Variants in HRH2 observed in about 807,000 individuals in gnomAD.
HRH2 encodes the protein histamine receptor H2.
Under a neutral mutation model 20.1 loss-of-function variants are expected in HRH2, and 4 were observed. That is an observed-to-expected ratio of 0.20 (90% CI 0.10 to 0.45). HRH2 has a LOEUF of 0.45. Ranked by LOEUF, HRH2 falls within the 20% of genes least tolerant of loss-of-function variation. The probability of loss-of-function intolerance (pLI) is 0.99; values close to 1 mark genes in which losing one functional copy is unlikely to be tolerated. For missense variants in HRH2, 250 were observed against 461.6 expected, an observed-to-expected ratio of 0.54 and a Z score of 4.20; for synonymous variants, 197 against 200.7, an observed-to-expected ratio of 0.98 and a Z score of 0.16.
rs1405928578 is a variant in HRH2 at position 175,710,619 on chromosome 5, C to A, written c.*2648C>A. ...CTCCACGTCTGTCTCTGGGCTGCCT[C>A]CACCTTCTGCAGGCCTCCTGGAGCC... is the stretch of plus-strand genomic sequence containing the variant. On this transcript the variant is annotated 3_prime_UTR_variant, in exon 3 of 3. Coordinates refer to ENST00000636584, the MANE Select transcript of HRH2 (RefSeq NM_001367711.1). 1.3e-5 allele frequency: 2 copies of A among 152,286 alleles called. No homozygotes were observed. The highest frequency in any genetic ancestry group is 4.8e-5 in the African/African-American group (2 of 41,470). 9.4% of individuals were successfully genotyped at this position (152,286 alleles called of 1,614,324 possible).
At chr5:175,680,071 A>G (rs1175512694) in intron 1 of HRH2, among the ~76,000 whole-genome samples, 2 of 152,204 alleles carry the variant, frequency 1.3e-5, no homozygotes, top group Non-Finnish European at 2.9e-5. Flanking sequence ...TTTGCCCAGG[A>G]GGATCCAGCA....
At chr5:175,660,174 A>G (rs945507564) in intron 1 of HRH2, among the ~76,000 whole-genome samples, 2 of 152,220 alleles carry the variant, frequency 1.3e-5, no homozygotes, top group African/African-American at 4.8e-5. Flanking sequence ...TCCAATCCCA[A>G]GGGTTTAATT....
At chr5:175,674,555 ACT>A (rs1238322579) in intron 1 of HRH2, among the ~76,000 whole-genome samples, 1 of 150,414 alleles carries the variant, frequency 6.6e-6, no homozygotes, top group Non-Finnish European at 1.5e-5. Flanking sequence ...GGGTAGTGAG[ACT>A]CTTCCCAGTC....
chr5:175,679,966 C>T (rs995382718), intron 1 of HRH2, among the ~76,000 whole-genome samples: 3 of 152,182 alleles, frequency 2.0e-5, no homozygotes, highest in Admixed American at 6.5e-5. Context: ...CTCTTTGAGC[C>T]TCAGTCTCCT....
rs1477597600 is a variant in HRH2 at position 175,687,028 on chromosome 5, G to C, written c.1076+2719G>C. Among the ~76,000 whole-genome samples the C allele has an allele frequency of 6.6e-6, 1 of 152,124 alleles. No homozygotes were observed. The highest frequency in any genetic ancestry group is 2.4e-5 in the African/African-American group (1 of 41,414). On this transcript the variant is annotated intron_variant, in intron 2 of 2. Coordinates refer to ENST00000636584, the MANE Select transcript of HRH2 (RefSeq NM_001367711.1). This position sits in a 1 kb window ranked among gnomAD's most constrained non-coding sequence, Gnocchi z 5.2. ...GAGAGGTGGTGCCTCCCAGGGTCAT[G>C]CATGCAGCCGTGGAGGCAGGGCCAG...
At chr5:175,694,306 C>T (rs183452974) in intron 2 of HRH2, among the ~76,000 whole-genome samples, 12 of 152,260 alleles carry the variant, frequency 7.9e-5, no homozygotes, top group Admixed American at 3.3e-4. Context: ...GCATGCAGTC[C>T]GCACAGGCTT....
chr5:175,699,520 A>G (rs556928296), intron 2 of HRH2, among the ~76,000 whole-genome samples: 1 of 152,272 alleles, frequency 6.6e-6, no homozygotes, highest in Non-Finnish European at 1.5e-5. Flanking sequence ...TGTTCAGTAC[A>G]GGATCAGCCC....
chr5:175,682,296 C>G (rs964770994), intron 1 of HRH2, among the ~76,000 whole-genome samples: 4 of 152,236 alleles, frequency 2.6e-5, no homozygotes, highest in African/African-American at 7.2e-5. Flanking sequence ...GGAGTAGATT[C>G]ATTACATTTG....
intron 2 of HRH2, among the ~76,000 whole-genome samples, chr5:175,699,730 C>T (rs1420801395): frequency 2.6e-5 from 4 of 152,104 alleles, no homozygotes; most frequent in Admixed American, 1.3e-4. Context: ...CCCACCACCA[C>T]GCCCGGCTAA....
chr5:175,669,131 C>T (rs1755422057), intron 1 of HRH2, among the ~76,000 whole-genome samples: 1 of 152,028 alleles, frequency 6.6e-6, no homozygotes, highest in Non-Finnish European at 1.5e-5. Context: ...AGGCCTGAGC[C>T]ACAGCACCTG....
intron 2 of HRH2, among the ~76,000 whole-genome samples, chr5:175,701,529 CA>C (rs1336334318): frequency 1.3e-5 from 2 of 152,310 alleles, no homozygotes; most frequent in Non-Finnish European, 2.9e-5. Context: ...GAGCCACCAG[CA>C]GGTCCAAGCT....
chr5:175,660,896 C>A (rs1338268496), intron 1 of HRH2, among the ~76,000 whole-genome samples: 1 of 152,204 alleles, frequency 6.6e-6, no homozygotes, highest in Non-Finnish European at 1.5e-5. Flanking sequence ...AGATCTGAGA[C>A]TACTCCTCCC....
At chr5:175,661,325 G>T (rs112327818) in intron 1 of HRH2, among the ~76,000 whole-genome samples, 1,597 of 152,272 alleles carry the variant, frequency 0.01, 35 homozygotes, top group African/African-American at 0.037. Flanking sequence ...GCACATGAAG[G>T]CTTGTCAGTA....
At chr5:175,669,891 AATCCT>A (rs1755462424) in intron 1 of HRH2, among the ~76,000 whole-genome samples, 1 of 152,234 alleles carries the variant, frequency 6.6e-6, no homozygotes. Flanking sequence ...CCACTAAAGG[AATCCT>A]GCCTTTACCG....
chr5:175,665,657 A>G (rs1172162140), intron 1 of HRH2, among the ~76,000 whole-genome samples: 1 of 152,236 alleles, frequency 6.6e-6, no homozygotes, highest in African/African-American at 2.4e-5. Flanking sequence ...TCCCAGGGCC[A>G]GAGATGGGTG....
chr5:175,663,792 G>A (rs375277104), intron 1 of HRH2, among the ~76,000 whole-genome samples: 16 of 152,150 alleles, frequency 1.1e-4, no homozygotes, highest in Admixed American at 2.0e-4. Flanking sequence ...TTCTTTGATC[G>A]TATTTTCCTG....
rs1756191569 is a variant in HRH2, at chr5:175,686,907, A to G, written c.1076+2598A>G. 6.6e-6 allele frequency among the ~76,000 whole-genome samples: 1 copy of G among 152,224 alleles called. No individual in the cohort carries two copies. The highest frequency in any genetic ancestry group is 2.4e-5 in the African/African-American group (1 of 41,460). The stretch of plus-strand genomic sequence containing the variant: ...CAGCGCCTGCCGCAGACTGTCCTCC[A>G]GGCTCCCGGCATGCTGCAGGGTATG... On this transcript the variant is annotated intron_variant, in intron 2 of 2. Transcript: ENST00000636584. This position sits in a 1 kb window ranked among gnomAD's most constrained non-coding sequence, Gnocchi z 4.7.
At chr5:175,690,735 C>A (rs149355981) in intron 2 of HRH2, among the ~76,000 whole-genome samples, 160 of 152,224 alleles carry the variant, frequency 1.1e-3, no homozygotes, top group African/African-American at 3.8e-3. Context: ...AAACCCTGCA[C>A]CTCTGAGCTG....
chr5:175,663,979 G>A (rs1762813331), intron 1 of HRH2, among the ~76,000 whole-genome samples: 1 of 152,224 alleles, frequency 6.6e-6, no homozygotes, highest in South Asian at 2.1e-4. Context: ...CCGTGTGACA[G>A]CAATGCCAGG....
Sources: allele counts gnomAD v4.1 joint callset (sites outside exome capture counted in the v4.1 genomes callset), GRCh38; gene constraint gnomAD v4.1.1; non-coding constraint Gnocchi (gnomAD v3.1); transcripts MANE v1.5; gene names NCBI Gene and HGNC (gene_info 2026-07-23, HGNC 2026-07-21).